The following ANKRD30BL variants were observed in gnomAD, a reference collection of about 807,000 sequenced individuals.
The protein encoded by ANKRD30BL is putative ankyrin repeat domain-containing protein 30B-like.
In ANKRD30BL, 20 loss-of-function variants were observed where a neutral mutation model predicts 18.4. The ratio of observed to expected loss-of-function variants is 1.09; its 90% CI spans 0.77 to 1.58. ANKRD30BL has a LOEUF of 1.58. Among genes scored for constraint, ANKRD30BL ranks in the 40% most tolerant of loss-of-function variants. The pLI is 0.00. For synonymous variants in ANKRD30BL, 72 were observed against 100.9 expected (o/e 0.71, Z 1.72); for missense variants, 224 against 268.6 (o/e 0.83, Z 1.16).
At chr2:132,229,150 T>A (rs1248548050) in intron 1 of ANKRD30BL, among the ~76,000 whole-genome samples, 2 of 152,276 alleles carry the variant, frequency 1.3e-5, no homozygotes, top group African/African-American at 4.8e-5. Flanking sequence ...GAGAAACTAC[T>A]TTGTGATGTG....
chr2:132,194,032 T>TTCTCTCTCTCTCTC (rs764528052), intron 1 of ANKRD30BL, among the ~76,000 whole-genome samples: 1 of 137,844 alleles, frequency 7.3e-6, no homozygotes, highest in African/African-American at 2.6e-5. Context: ...CAGAGATAAT[T>TTCTCTCTCTCTCTC]TCTCTCTCTC....
intron 1 of ANKRD30BL, among the ~76,000 whole-genome samples, chr2:132,248,393 A>G (rs112385773): frequency 1.3e-5 from 2 of 152,170 alleles, no homozygotes; most frequent in South Asian, 2.1e-4. Flanking sequence ...GAATGCAAAC[A>G]TCATAAAGTA....
intron 1 of ANKRD30BL, among the ~76,000 whole-genome samples, chr2:132,178,461 G>A (rs1382514637): frequency 6.6e-6 from 1 of 152,112 alleles, no homozygotes; most frequent in Non-Finnish European, 1.5e-5. Context: ...AGAATGTGTT[G>A]GCTCTATTCA....
In ANKRD30BL at chr2:132,157,156, T is replaced by C. The variant is rs1239587456; in HGVS notation, c.334-10A>G. On this transcript the variant is annotated splice_polypyrimidine_tract_variant and intron_variant, in intron 2 of 5. Transcript: ENST00000409867. The stretch of plus-strand genomic sequence containing the variant: ...TCTGGCATTGCAGAGCCTGTCAGTA[T>C]TAAAGCAAAAAGTAAATTATAAATT... 18 of 1,408,098 alleles carry C rather than the reference T, an allele frequency of 1.3e-5. No individual in the cohort carries two copies. The highest frequency in any genetic ancestry group is 1.6e-5 in the Non-Finnish European group (17 of 1,033,034). The allele number at this position is 1,408,098 out of a possible 1,614,324, so 87.2% of individuals were successfully genotyped here.
intron 1 of ANKRD30BL, among the ~76,000 whole-genome samples, chr2:132,160,790 T>C (rs1015655007): frequency 2.0e-5 from 3 of 152,062 alleles, no homozygotes; most frequent in African/African-American, 7.3e-5. Context: ...ACTTTTCTAC[T>C]CCGTTACAAA....
intron 1 of ANKRD30BL, among the ~76,000 whole-genome samples, chr2:132,199,279 G>C (rs1311229724): frequency 6.6e-6 from 1 of 152,056 alleles, no homozygotes; most frequent in African/African-American, 2.4e-5. Flanking sequence ...AGAATCGCTT[G>C]AACTTGGGAG....
intron 1 of ANKRD30BL, among the ~76,000 whole-genome samples, chr2:132,241,861 T>G (rs907593532): frequency 6.6e-6 from 1 of 151,934 alleles, no homozygotes; most frequent in African/African-American, 2.4e-5. Context: ...TATCTTCACA[T>G]AAAAACTAGA....
intron 1 of ANKRD30BL, among the ~76,000 whole-genome samples, chr2:132,238,110 T>C (rs796415060): frequency 6.6e-6 from 1 of 151,972 alleles, no homozygotes; most frequent in Non-Finnish European, 1.5e-5. Flanking sequence ...ATTTGAGACC[T>C]ATGTTGAAAA....
intron 1 of ANKRD30BL, among the ~76,000 whole-genome samples, chr2:132,223,325 A>G (rs552970867): frequency 1.1e-4 from 17 of 152,204 alleles, no homozygotes; most frequent in African/African-American, 3.1e-4. Context: ...CTTCTTTGTG[A>G]TGTGTGCCTT....
At chr2:132,221,955 G>A (rs1159167385) in intron 1 of ANKRD30BL, among the ~76,000 whole-genome samples, 3 of 134,740 alleles carry the variant, frequency 2.2e-5, no homozygotes, top group East Asian at 2.3e-4. Context: ...CGCCCCGTCC[G>A]GGAGGTGAGG....
chr2:132,250,714 C>T (rs1573896065), intron 1 of ANKRD30BL, among the ~76,000 whole-genome samples: 2 of 152,186 alleles, frequency 1.3e-5, no homozygotes, highest in African/African-American at 4.8e-5. Flanking sequence ...TTTTGCTCCT[C>T]AGATCCAGAA....
chr2:132,222,213 G>A (rs1679711391), intron 1 of ANKRD30BL, among the ~76,000 whole-genome samples: 3 of 146,176 alleles, frequency 2.1e-5, no homozygotes, highest in African/African-American at 5.1e-5. Context: ...GAGGGTGGTG[G>A]GGGGGTCAGC....
intron 1 of ANKRD30BL, among the ~76,000 whole-genome samples, chr2:132,226,121 GT>G (rs1175422279): frequency 6.6e-6 from 1 of 152,054 alleles, no homozygotes; most frequent in East Asian, 1.9e-4. Context: ...CACTCTTTTA[GT>G]GGAATCTGCA....
intron 1 of ANKRD30BL, among the ~76,000 whole-genome samples, chr2:132,218,160 G>A (rs1348855194): frequency 3.3e-5 from 5 of 152,188 alleles, no homozygotes; most frequent in Admixed American, 6.6e-5. Flanking sequence ...AAACTTTTTT[G>A]TGATGTGTGC....
At chr2:132,226,567 G>A (rs1679851341) in intron 1 of ANKRD30BL, among the ~76,000 whole-genome samples, 1 of 151,950 alleles carries the variant, frequency 6.6e-6, no homozygotes, top group South Asian at 2.1e-4. Context: ...ACCTCTTTGT[G>A]ATGTGTGTTT....
intron 1 of ANKRD30BL, among the ~76,000 whole-genome samples, chr2:132,234,881 C>A (rs555297795): frequency 5.9e-5 from 9 of 151,924 alleles, no homozygotes; most frequent in Non-Finnish European, 1.2e-4. Context: ...GAGACACAAC[C>A]AAAAAAGAGA....
In ANKRD30BL at chr2:132,235,139, A is replaced by C. The variant is rs1007098226; in HGVS notation, n.441+22390T>G. On this transcript the variant is annotated intron_variant and non_coding_transcript_variant, in intron 1 of 4. Transcript: ENST00000470729. Reference sequence around the variant, plus strand: ...AAAGCCTTTGACAAAATTCAACAACACTTCATGCTAAAATCTCTCAATAAA... The same window carrying C: ...AAAGCCTTTGACAAAATTCAACAACCCTTCATGCTAAAATCTCTCAATAAA... Among the ~76,000 whole-genome samples the C allele has an allele frequency of 3.5e-4, 53 of 152,172 alleles. 1 individual carries two copies. Among genetic ancestry groups the C allele is most frequent in the Middle Eastern group, 3.4e-3 (1 of 294 alleles).
At chr2:132,250,198 A>G (rs986748751) in intron 1 of ANKRD30BL, among the ~76,000 whole-genome samples, 6 of 152,210 alleles carry the variant, frequency 3.9e-5, no homozygotes, top group African/African-American at 1.4e-4. Flanking sequence ...ACTCACAAAT[A>G]TCACTTTGCA....
intron 1 of ANKRD30BL, chr2:132,257,209 A>C (rs1176405981): frequency 4.9e-6 from 2 of 407,096 alleles, no homozygotes; most frequent in African/African-American, 4.4e-5. Context: ...GCTCCAGGAG[A>C]CCGGCATGCC....
Sources: allele counts gnomAD v4.1 joint callset (sites outside exome capture counted in the v4.1 genomes callset), GRCh38; gene constraint gnomAD v4.1.1; transcripts MANE v1.5; gene names NCBI Gene and HGNC (gene_info 2026-07-23, HGNC 2026-07-21).